PPP2R5E: variants seen among roughly 807,000 people sequenced by gnomAD.
PPP2R5E encodes the protein protein phosphatase 2 regulatory subunit B'epsilon.
PPP2R5E carries 4 observed loss-of-function variants against 65.3 expected under a neutral mutation model. The observed-to-expected ratio is 0.06, with a 90% CI of 0.03 to 0.14. PPP2R5E has a LOEUF of 0.14. Among genes scored for constraint, PPP2R5E ranks in the 10% least tolerant of loss-of-function variants. PPP2R5E has a pLI of 1.00. For missense variants in PPP2R5E, 274 were observed against 556.1 expected, an observed-to-expected ratio of 0.49 and a Z score of 5.10; for synonymous variants, 183 against 187.4, an observed-to-expected ratio of 0.98 and a Z score of 0.19.
chr14:63,500,588 C>T (rs559476199), intron 2 of PPP2R5E, among the ~76,000 whole-genome samples: 86 of 152,198 alleles, frequency 5.7e-4, no homozygotes, highest in Non-Finnish European at 8.5e-4. Flanking sequence ...TATGACAGAT[C>T]CCTGGGTGGG....
chr14:63,523,871 T>C (rs1476014236), intron 2 of PPP2R5E, among the ~76,000 whole-genome samples: 1 of 152,216 alleles, frequency 6.6e-6, no homozygotes, highest in Non-Finnish European at 1.5e-5. Flanking sequence ...AAAACAGTGT[T>C]GTGTGCTTAT....
intron 4 of PPP2R5E, among the ~76,000 whole-genome samples, chr14:63,420,718 A>G (rs1886962250): frequency 1.3e-5 from 2 of 152,196 alleles, no homozygotes; most frequent in Admixed American, 6.5e-5. Flanking sequence ...GAATATCTCT[A>G]GGCCTTCTCT....
intron 2 of PPP2R5E, among the ~76,000 whole-genome samples, chr14:63,456,720 T>C (rs938798483): frequency 6.6e-6 from 1 of 152,184 alleles, no homozygotes; most frequent in Non-Finnish European, 1.5e-5. Flanking sequence ...TTCACCACTG[T>C]GCAATGCAAC....
At chr14:63,473,426 A>C (rs1274194610) in intron 2 of PPP2R5E, among the ~76,000 whole-genome samples, 1 of 152,212 alleles carries the variant, frequency 6.6e-6, no homozygotes, top group East Asian at 1.9e-4. Flanking sequence ...AAGCTAAAGA[A>C]AACTCAACAA....
intron 3 of PPP2R5E, among the ~76,000 whole-genome samples, chr14:63,424,680 G>A (rs28402153): frequency 0.077 from 11,587 of 150,582 alleles, 744 homozygotes; most frequent in African/African-American, 0.17. Context: ...GAACCCGGGA[G>A]GCGGAGCTTG....
At chr14:63,507,999 G>C in intron 2 of PPP2R5E, 1 of 262,844 alleles carries the variant, frequency 3.8e-6, no homozygotes, top group Non-Finnish European at 5.9e-6. Context: ...GTTTGTATGA[G>C]TCCCCTTTGT....
At chr14:63,381,322 C>G (rs1884343196) in intron 13 of PPP2R5E, among the ~76,000 whole-genome samples, 1 of 152,038 alleles carries the variant, frequency 6.6e-6, no homozygotes, top group African/African-American at 2.4e-5. Context: ...GTCCTGGGCC[C>G]AAGAGCTAGA....
chr14:63,418,743 G>A (rs1281455735), intron 4 of PPP2R5E, among the ~76,000 whole-genome samples: 2 of 151,492 alleles, frequency 1.3e-5, no homozygotes, highest in African/African-American at 4.9e-5. Context: ...AACATACAGA[G>A]TAGACCCCTT....
chr14:63,447,463 C>G (rs182694572), intron 3 of PPP2R5E, among the ~76,000 whole-genome samples: 1 of 152,362 alleles, frequency 6.6e-6, no homozygotes, highest in Non-Finnish European at 1.5e-5. Flanking sequence ...GCAGCTTCCT[C>G]AACTCTCTCA....
At chr14:63,490,624 C>T (rs1383681684) in intron 2 of PPP2R5E, among the ~76,000 whole-genome samples, 3 of 151,904 alleles carry the variant, frequency 2.0e-5, no homozygotes, top group Non-Finnish European at 2.9e-5. Flanking sequence ...GTCAACAAGC[C>T]TATGAAAAAA....
At chr14:63,418,247 T>A (rs1472034622) in intron 4 of PPP2R5E, among the ~76,000 whole-genome samples, 1 of 152,136 alleles carries the variant, frequency 6.6e-6, no homozygotes, top group African/African-American at 2.4e-5. Context: ...CCCCATCAAG[T>A]GGGTTTTAGC....
intron 3 of PPP2R5E, among the ~76,000 whole-genome samples, chr14:63,443,675 G>A (rs140512663): frequency 9.2e-5 from 14 of 151,778 alleles, no homozygotes; most frequent in African/African-American, 3.4e-4. Flanking sequence ...TCCACATCTA[G>A]GTCTCCCATA....
At chr14:63,401,425 G>A (rs971959857) in intron 5 of PPP2R5E, among the ~76,000 whole-genome samples, 1 of 152,172 alleles carries the variant, frequency 6.6e-6, no homozygotes, top group East Asian at 1.9e-4. Context: ...AGAAGCTGGA[G>A]CGTTTCCAAG....
At chr14:63,433,517 A>G (rs1382464454) in intron 3 of PPP2R5E, among the ~76,000 whole-genome samples, 6 of 152,120 alleles carry the variant, frequency 3.9e-5, no homozygotes, top group Non-Finnish European at 8.8e-5. Context: ...GCAGAGAAGA[A>G]TCATCTAATC....
intron 2 of PPP2R5E, among the ~76,000 whole-genome samples, chr14:63,508,418 C>A (rs1031331444): frequency 2.0e-5 from 3 of 152,170 alleles, no homozygotes; most frequent in African/African-American, 7.2e-5. Context: ...CTTCTGGTAT[C>A]ATTTTCCTGA....
intron 5 of PPP2R5E, among the ~76,000 whole-genome samples, chr14:63,412,658 T>C (rs1432858108): frequency 2.6e-5 from 4 of 152,230 alleles, no homozygotes; most frequent in Non-Finnish European, 5.9e-5. Flanking sequence ...GTTCATTCTG[T>C]ACAAGATTTT....
chr14:63,476,999 T>C (rs1890444778), intron 2 of PPP2R5E, among the ~76,000 whole-genome samples: 1 of 152,106 alleles, frequency 6.6e-6, no homozygotes, highest in African/African-American at 2.4e-5. Flanking sequence ...TACATCTCCA[T>C]TTCTAAATGG....
At chr14:63,381,672 C>T (rs557208737) in intron 13 of PPP2R5E, among the ~76,000 whole-genome samples, 1 of 152,310 alleles carries the variant, frequency 6.6e-6, no homozygotes, top group South Asian at 2.1e-4. Flanking sequence ...TCGGTCAACA[C>T]AGACCACATA....
At chr14:63,490,391 A>G (rs1311529747) in intron 2 of PPP2R5E, among the ~76,000 whole-genome samples, 2 of 152,144 alleles carry the variant, frequency 1.3e-5, no homozygotes, top group Admixed American at 6.5e-5. Context: ...GACAAGTGGA[A>G]CCTAATTAAA....
Sources: allele counts gnomAD v4.1 joint callset (sites outside exome capture counted in the v4.1 genomes callset), GRCh38; gene constraint gnomAD v4.1.1; transcripts MANE v1.5; gene names NCBI Gene and HGNC (gene_info 2026-07-23, HGNC 2026-07-21).